Variants in RAPGEF4 observed in about 807,000 individuals in gnomAD.
RAPGEF4 encodes Rap guanine nucleotide exchange factor 4.
RAPGEF4 carries 66 observed loss-of-function variants against 147.9 expected under a neutral mutation model. The observed-to-expected ratio is 0.45, with a 90% confidence interval of 0.37 to 0.55. The LOEUF (loss-of-function observed/expected upper bound fraction) is 0.55, where lower values mean the gene tolerates loss of function less well. Ranked by LOEUF, RAPGEF4 falls within the 20% of genes least tolerant of loss-of-function variation. RAPGEF4 has a pLI of 0.00. For missense variants in RAPGEF4, 1,071 were observed against 1,257.3 expected (o/e 0.85, Z 2.24); for synonymous variants, 419 against 442.7 (o/e 0.95, Z 0.67).
At chr2:173,000,737 CTTTTCTTTCTTTCT>C (rs989633658) in intron 16 of RAPGEF4, among the ~76,000 whole-genome samples, 9 of 113,502 alleles carry the variant, frequency 7.9e-5, no homozygotes, top group South Asian at 6.8e-4. Context: ...TTCTTTCTTT[CTTTTCTTTCTTTCT>C]TTTTTTTTTT....
At chr2:172,959,505 A>T (rs748182449) in intron 6 of RAPGEF4, among the ~76,000 whole-genome samples, 2 of 152,050 alleles carry the variant, frequency 1.3e-5, no homozygotes, top group Non-Finnish European at 2.9e-5. Context: ...TCTAGGGATG[A>T]GGACATAAAC....
chr2:172,761,106 T>TC (rs1473669280), intron 1 of RAPGEF4, among the ~76,000 whole-genome samples: 6 of 150,172 alleles, frequency 4.0e-5, no homozygotes, highest in African/African-American at 1.5e-4. Flanking sequence ...TTTCTTTCTT[T>TC]TTTTTTTTTT....
chr2:172,923,515 G>A (rs1262798788), intron 6 of RAPGEF4, among the ~76,000 whole-genome samples: 2 of 152,144 alleles, frequency 1.3e-5, no homozygotes, highest in East Asian at 3.9e-4. Context: ...TGATCCATCA[G>A]CCTGGGCCTC....
At chr2:173,029,116 C>G (rs1480567224) in intron 25 of RAPGEF4, among the ~76,000 whole-genome samples, 1 of 152,200 alleles carries the variant, frequency 6.6e-6, no homozygotes, top group Non-Finnish European at 1.5e-5. Flanking sequence ...CCCATTGTCC[C>G]AGCACACCAA....
chr2:172,825,057 C>T (rs186711881), intron 4 of RAPGEF4, among the ~76,000 whole-genome samples: 14 of 152,288 alleles, frequency 9.2e-5, no homozygotes, highest in Admixed American at 8.5e-4. Flanking sequence ...CCTTGGCCAT[C>T]GTGACCATTA....
At chr2:172,988,910 G>A (rs2105719855) in intron 14 of RAPGEF4, 71 bp downstream of exon 14, 1 of 1,509,808 alleles carries the variant, frequency 6.6e-7, no homozygotes, top group Non-Finnish European at 9.1e-7. Context: ...AAAGCTTTGA[G>A]CATAGTCTTA....
At chr2:172,972,502 C>T (rs1021433357) in intron 10 of RAPGEF4, among the ~76,000 whole-genome samples, 5 of 152,206 alleles carry the variant, frequency 3.3e-5, no homozygotes, top group Admixed American at 6.5e-5. Flanking sequence ...AAGACAGTCA[C>T]GGCGAATCCT....
intron 29 of RAPGEF4, among the ~76,000 whole-genome samples, chr2:173,041,454 G>T (rs1234164936): frequency 6.6e-6 from 1 of 152,062 alleles, no homozygotes; most frequent in Non-Finnish European, 1.5e-5. Flanking sequence ...CCAGGCAAAA[G>T]AATTTACTAA....
In RAPGEF4 at chr2:172,983,502, C is replaced by A. The variant is rs1691910140; in HGVS notation, c.1011C>A (p.Gly337=). 1 of 1,609,418 alleles carries A rather than the reference C, an allele frequency of 6.2e-7. No individual in the cohort carries two copies. The highest frequency in any genetic ancestry group is 1.3e-5 in the African/African-American group (1 of 74,516). The stretch of plus-strand genomic sequence containing the variant: ...TTTTTTTTTATCTTTGTAGACCTGG[C>A]CAGAGGACTGTGGATGACCTAGAGA... ...HMRMILRKPP[G]QRTVDDLEII... is the part of the protein sequence containing the mutation. The change falls in exon 11 of 31, where the codon GGC becomes GGA. Residue 337 remains glycine (G), a synonymous_variant. Transcript: ENST00000397081.
At chr2:172,886,591 G>C (rs1010526454) in intron 4 of RAPGEF4, among the ~76,000 whole-genome samples, 5 of 152,134 alleles carry the variant, frequency 3.3e-5, no homozygotes, top group Non-Finnish European at 7.4e-5. Context: ...TCTTGGGGCA[G>C]TACTGTTCAC....
chr2:172,777,358 G>T (rs925594464), intron 1 of RAPGEF4, among the ~76,000 whole-genome samples: 1 of 151,422 alleles, frequency 6.6e-6, no homozygotes, highest in African/African-American at 2.4e-5. Flanking sequence ...AGATACAATA[G>T]TTATTTAAAA....
chr2:172,902,412 C>T lies in RAPGEF4; in HGVS notation c.445-15390C>T, dbSNP rs539571558. On this transcript the variant is annotated intron_variant, in intron 4 of 30. Transcript: ENST00000397081. ...CGACCTCTTGAGCTCAAGTGATCCTCCCACCTCAGCCTCCTGAGTAGCTGG... is the reference window on the plus strand; with the variant it reads ...CGACCTCTTGAGCTCAAGTGATCCTTCCACCTCAGCCTCCTGAGTAGCTGG... Among the ~76,000 whole-genome samples, 60 of 152,242 alleles carry T rather than the reference C, an allele frequency of 3.9e-4. 1 individual carries two copies. Among genetic ancestry groups the T allele is most frequent in the African/African-American group, 1.4e-3 (57 of 41,548 alleles).
chr2:172,779,389 C>G (rs1191483014), intron 1 of RAPGEF4, among the ~76,000 whole-genome samples: 1 of 152,102 alleles, frequency 6.6e-6, no homozygotes, highest in Non-Finnish European at 1.5e-5. Flanking sequence ...TAGGCAAGGG[C>G]ATGAGCTGGG....
chr2:173,000,071 T>A (rs1447304166), intron 16 of RAPGEF4, among the ~76,000 whole-genome samples: 1 of 152,210 alleles, frequency 6.6e-6, no homozygotes, highest in Non-Finnish European at 1.5e-5. Context: ...TGGTGCTAGA[T>A]GTTAAGCTCA....
At chr2:173,011,168 G>GCACA (rs72255787) in intron 17 of RAPGEF4, among the ~76,000 whole-genome samples, 3 of 59,814 alleles carry the variant, frequency 5.0e-5, no homozygotes, top group African/African-American at 2.1e-4. Context: ...CAGCGCGCGC[G>GCACA]CGCACACACA....
intron 6 of RAPGEF4, among the ~76,000 whole-genome samples, chr2:172,929,749 A>G (rs1018645847): frequency 2.0e-5 from 3 of 152,186 alleles, no homozygotes; most frequent in African/African-American, 7.2e-5. Context: ...CCTAGACAGA[A>G]GCACACGTGA....
chr2:172,891,360 T>C (rs989653009), intron 4 of RAPGEF4, among the ~76,000 whole-genome samples: 1 of 152,230 alleles, frequency 6.6e-6, no homozygotes, highest in African/African-American at 2.4e-5. Context: ...GTGTCCCTGA[T>C]GTCTTCTGAT....
At chr2:172,883,296 A>G (rs923299237) in intron 4 of RAPGEF4, among the ~76,000 whole-genome samples, 2 of 152,190 alleles carry the variant, frequency 1.3e-5, no homozygotes, top group African/African-American at 4.8e-5. Flanking sequence ...ATCTCATGGC[A>G]AAAGGCAGAA....
intron 27 of RAPGEF4, among the ~76,000 whole-genome samples, chr2:173,035,268 G>A (rs1044485476): frequency 9.2e-5 from 14 of 151,858 alleles, no homozygotes; most frequent in South Asian, 4.1e-4. Flanking sequence ...CAGCACTTTG[G>A]GAGGCCGAGG....
Sources: allele counts gnomAD v4.1 joint callset (sites outside exome capture counted in the v4.1 genomes callset), GRCh38; gene constraint gnomAD v4.1.1; transcripts MANE v1.5; gene names NCBI Gene and HGNC (gene_info 2026-07-23, HGNC 2026-07-21).